The following OIP5 variants were observed in gnomAD, a reference collection of about 807,000 sequenced individuals.
The protein encoded by OIP5 is Opa interacting protein 5.
Under a neutral mutation model 20.3 loss-of-function variants are expected in OIP5, and 24 were observed. That is an observed-to-expected ratio of 1.18 (90% CI 0.86 to 1.66). The LOEUF (loss-of-function observed/expected upper bound fraction) is 1.66, where lower values mean the gene tolerates loss of function less well. OIP5 is among the 40% of genes most tolerant of loss of function. The pLI, the probability that OIP5 is intolerant of heterozygous loss-of-function variation, is 0.00. For missense variants in OIP5, 339 were observed against 289.5 expected, an observed-to-expected ratio of 1.17 and a Z score of -1.24; for synonymous variants, 143 against 121.3, an observed-to-expected ratio of 1.18 and a Z score of -1.17.
At chr15:41,321,174 G>A (rs1291955874) in intron 2 of OIP5, among the ~76,000 whole-genome samples, 1 of 151,066 alleles carries the variant, frequency 6.6e-6, no homozygotes, top group Non-Finnish European at 1.5e-5. Flanking sequence ...CCCCCGCCCA[G>A]CCAGCCGCCC....
At chr15:41,326,139 G>C (rs941710828) in intron 2 of OIP5, among the ~76,000 whole-genome samples, 1 of 152,194 alleles carries the variant, frequency 6.6e-6, no homozygotes, top group African/African-American at 2.4e-5. Context: ...TCTAGCCTAG[G>C]TGACAGAGTG....
chr15:41,330,874 C>G (rs561039808), intron 2 of OIP5, among the ~76,000 whole-genome samples: 5 of 152,152 alleles, frequency 3.3e-5, no homozygotes, highest in Non-Finnish European at 7.3e-5. Context: ...GCCTCCTCTC[C>G]AAGAGCACAT....
At chr15:41,313,128 T>G in intron 4 of OIP5, 145 bp downstream of exon 4, 1 of 640,150 alleles carries the variant, frequency 1.6e-6, no homozygotes, top group Non-Finnish European at 2.8e-6. Flanking sequence ...ATTTTGTTTT[T>G]CATTACAAAT....
rs1476039231 is a variant in OIP5, at chr15:41,330,795, TTAA to T, written c.389+1117_389+1119del. On this transcript the variant is annotated intron_variant, in intron 2 of 4. Coordinates refer to ENST00000220514, the MANE Select transcript of OIP5 (RefSeq NM_007280.2). ...GTTCACAGCATATCTCAATGCAGATTTAATAATATATAATAGCTACATATGACT... is the reference window on the plus strand; with the variant it reads ...GTTCACAGCATATCTCAATGCAGATTTAATATATAATAGCTACATATGACT... 2.6e-5 allele frequency among the ~76,000 whole-genome samples: 4 copies of T among 152,276 alleles called. No homozygotes were observed. The East Asian group carries it at 7.7e-4, about 29-fold the overall frequency.
rs574220336 is a variant in OIP5, at chr15:41,332,397, C to G, written c.165G>C (p.Leu55=). ...GGCCGGCGGCTGGCTCCTCAGCCCC[C>G]AGCCCTGCGGGGCCGAGCGGCGAGG... ...KGSSPLGPAG[L]GAEEPAAGPQ... is the part of the protein sequence containing the mutation. The change falls in exon 1 of 5, where the codon CTG becomes CTC. Residue 55 remains leucine, a synonymous_variant. Transcript: ENST00000220514. The G allele has an allele frequency of 7.1e-5, 114 of 1,613,712 alleles. 2 individuals are homozygous for G. The South Asian group carries it at 1.2e-3, about 17-fold the overall frequency.
At chr15:41,329,590 AGG>A (rs1157279898) in intron 2 of OIP5, among the ~76,000 whole-genome samples, 2 of 151,800 alleles carry the variant, frequency 1.3e-5, no homozygotes, top group East Asian at 2.0e-4. Context: ...CTGGGATTAT[AGG>A]TGTAAGCCAC....
intron 3 of OIP5, among the ~76,000 whole-genome samples, chr15:41,317,228 A>T (rs1185206500): frequency 6.6e-6 from 1 of 152,152 alleles, no homozygotes; most frequent in Non-Finnish European, 1.5e-5. Context: ...AGCTACATGC[A>T]TCACATGGGA....
At chr15:41,331,781 T>C (rs973565573) in intron 2 of OIP5, 134 bp downstream of exon 2, 12 of 734,892 alleles carry the variant, frequency 1.6e-5, no homozygotes, top group Non-Finnish European at 2.6e-5. Context: ...ATTTCATTAA[T>C]ACATCAAGTT....
At chr15:41,316,000 C>T (rs1230341075) in intron 3 of OIP5, among the ~76,000 whole-genome samples, 3 of 152,052 alleles carry the variant, frequency 2.0e-5, no homozygotes, top group East Asian at 1.9e-4. Context: ...TGGTGGCGGG[C>T]GCCTGTAGTC....
intron 2 of OIP5, among the ~76,000 whole-genome samples, chr15:41,326,194 C>G (rs1304574505): frequency 6.6e-6 from 1 of 152,054 alleles, no homozygotes; most frequent in Non-Finnish European, 1.5e-5. Context: ...GCAGTATCTG[C>G]AAGTGCAGTA....
rs2047924893 is a variant in OIP5 at position 41,331,991 on chromosome 15, C to G, written c.323-10G>C. ...ACGTTATTTGTAACTCCTAGGAAGA[C>G]AAACACGGGTCAGAACCCATACTCT... On this transcript the variant is annotated splice_polypyrimidine_tract_variant and intron_variant, in intron 1 of 4. Coordinates refer to ENST00000220514, the MANE Select transcript of OIP5 (RefSeq NM_007280.2). The G allele has an allele frequency of 1.2e-6, 2 of 1,613,586 alleles. No individual in the cohort carries two copies. The highest frequency in any genetic ancestry group is 1.7e-6 in the Non-Finnish European group (2 of 1,179,722).
rs752210328 is a variant in OIP5 at position 41,309,822 on chromosome 15, T to G, written c.622A>C (p.Asn208His). The G allele has an allele frequency of 1.2e-6, 2 of 1,613,588 alleles. No homozygotes were observed. Among genetic ancestry groups the G allele is most frequent in the South Asian group, 2.2e-5 (2 of 91,062 alleles). ...ATCTTCATTAGTGATTTTAAGCGAT[T>G]GTGCGTTAGCACTATCTTCTCTTTC... ...ELKEKIVLTHNRLKSLMKILS... is the reference protein window; with the variant it reads ...ELKEKIVLTHHRLKSLMKILS... Residue 208 changes from asparagine to histidine, a missense_variant, in exon 5 of 5, where the codon AAT becomes CAT. Physicochemically the swap from Asn to His is moderately conservative, Grantham distance 68. Coordinates refer to ENST00000220514, the MANE Select transcript of OIP5 (RefSeq NM_007280.2).
intron 2 of OIP5, among the ~76,000 whole-genome samples, chr15:41,320,677 G>A (rs868420537): frequency 6.6e-6 from 1 of 152,146 alleles, no homozygotes; most frequent in Non-Finnish European, 1.5e-5. Context: ...CCAAAGTGCC[G>A]AGATTACAGC....
chr15:41,321,217 C>G (rs977900642), intron 2 of OIP5, among the ~76,000 whole-genome samples: 21 of 149,976 alleles, frequency 1.4e-4, no homozygotes, highest in East Asian at 1.4e-3. Context: ...GTCAGCCCCC[C>G]GCCCGGCCAG....
At chr15:41,320,365 T>G (rs1224702644) in intron 2 of OIP5, among the ~76,000 whole-genome samples, 1 of 151,282 alleles carries the variant, frequency 6.6e-6, no homozygotes, top group African/African-American at 2.4e-5. Context: ...CTCGGCTCAC[T>G]GCAACCTCCC....
chr15:41,321,332 C>T (rs2047825981), intron 2 of OIP5, among the ~76,000 whole-genome samples: 1 of 150,180 alleles, frequency 6.7e-6, no homozygotes. Flanking sequence ...GCCAGCCGCC[C>T]CGTCCGCGAG....
intron 3 of OIP5, among the ~76,000 whole-genome samples, chr15:41,314,014 A>G (rs1002258206): frequency 1.2e-4 from 18 of 152,192 alleles, no homozygotes; most frequent in Non-Finnish European, 1.2e-4. Context: ...TAAGCTTTAC[A>G]CTTCATCAGT....
chr15:41,327,080 A>ATT (rs1567027859), intron 2 of OIP5, among the ~76,000 whole-genome samples: 56 of 150,550 alleles, frequency 3.7e-4, no homozygotes, highest in African/African-American at 1.3e-3. Context: ...CAGGAATTAA[A>ATT]AAAAAAAAAA....
chr15:41,327,456 C>G (rs375111192), intron 2 of OIP5, among the ~76,000 whole-genome samples: 2 of 151,374 alleles, frequency 1.3e-5, no homozygotes, highest in South Asian at 2.1e-4. Context: ...GGATTACAGG[C>G]GTGAGTCACT....
Sources: gnomAD v4.1 joint callset for allele counts (sites outside exome capture counted in the v4.1 genomes callset) on GRCh38, gnomAD v4.1.1 for gene constraint, MANE v1.5 for transcripts, NCBI Gene and HGNC (gene_info 2026-07-23, HGNC 2026-07-21) for gene names.